The following ZNF704 variants were observed in gnomAD, a reference collection of about 807,000 sequenced individuals.
ZNF704 encodes glucocorticoid induced gene 1.
In ZNF704, 10 loss-of-function variants were observed where a neutral mutation model predicts 44.7. The ratio of observed to expected loss-of-function variants is 0.22; its 90% confidence interval spans 0.14 to 0.38. The LOEUF is 0.38. ZNF704 is among the 10% of genes least tolerant of loss of function. ZNF704 has a pLI of 1.00. For missense variants in ZNF704, 390 were observed against 545.5 expected (o/e 0.71, Z 2.84); for synonymous variants, 211 against 207.6 (o/e 1.02, Z -0.14).
chr8:80,747,333 T>C (rs1274056167), intron 2 of ZNF704, among the ~76,000 whole-genome samples: 1 of 152,140 alleles, frequency 6.6e-6, no homozygotes, highest in African/African-American at 2.4e-5. Context: ...TGAAAAGCCC[T>C]GTTTATGGGA....
chr8:80,750,234 G>A (rs1211012150), intron 2 of ZNF704, among the ~76,000 whole-genome samples: 3 of 151,932 alleles, frequency 2.0e-5, no homozygotes, highest in African/African-American at 7.3e-5. Context: ...GCAATTGGGG[G>A]CCAGCTATGA....
Position 80,636,910 on chromosome 8 carries a change from T to G in ZNF704, c.*4456A>C, listed in dbSNP as rs1817671544. On this transcript the variant is annotated 3_prime_UTR_variant, in exon 9 of 9. Coordinates refer to ENST00000327835, the MANE Select transcript of ZNF704 (RefSeq NM_001033723.3). ...AAGCAAAATGTACATCGTTCACGGC[T>G]TGCTTTCGCCTACGGAATTCTGCTG... 6.6e-6 allele frequency: 1 copy of G among 152,252 alleles called. No homozygotes were observed. Among genetic ancestry groups the G allele is most frequent in the South Asian group, 2.1e-4 (1 of 4,836 alleles). 9.4% of individuals were successfully genotyped at this position (152,252 alleles called of 1,614,324 possible).
At chr8:80,714,148 A>G (rs1238537479) in intron 2 of ZNF704, among the ~76,000 whole-genome samples, 1 of 152,216 alleles carries the variant, frequency 6.6e-6, no homozygotes, top group Non-Finnish European at 1.5e-5. Context: ...CAGTTGACTT[A>G]GCAGGAAGTC....
intron 2 of ZNF704, among the ~76,000 whole-genome samples, chr8:80,778,646 T>C (rs575736628): frequency 1.8e-4 from 27 of 152,154 alleles, no homozygotes; most frequent in African/African-American, 6.3e-4. Flanking sequence ...GAAAATGTGG[T>C]ACATACCCAT....
At chr8:80,783,891 CT>C (rs1807571036) in intron 2 of ZNF704, among the ~76,000 whole-genome samples, 1 of 152,174 alleles carries the variant, frequency 6.6e-6, no homozygotes, top group Admixed American at 6.5e-5. Context: ...TCATCCCTCC[CT>C]TCCTCCAACC....
chr8:80,683,276 T>C lies in ZNF704; in HGVS notation c.558+3950A>G, dbSNP rs901430891. Among the ~76,000 whole-genome samples the C allele has an allele frequency of 2.8e-4, 42 of 152,188 alleles. 1 individual carries two copies. The highest frequency in any genetic ancestry group is 1.5e-5 in the Non-Finnish European group (1 of 68,044). On this transcript the variant is annotated intron_variant, in intron 4 of 8. Coordinates refer to ENST00000327835, the MANE Select transcript of ZNF704 (RefSeq NM_001033723.3). Reference sequence around the variant, plus strand: ...GCTTGACAAAGTTGGCTGGCTGACCTCCAGAGCTAGGATAGAGAAGCCTTT... The same window carrying C: ...GCTTGACAAAGTTGGCTGGCTGACCCCCAGAGCTAGGATAGAGAAGCCTTT...
chr8:80,714,165 AGGCCAAGG>A (rs1434352225), intron 2 of ZNF704, among the ~76,000 whole-genome samples: 1 of 152,216 alleles, frequency 6.6e-6, no homozygotes. Flanking sequence ...AGTCCTACTG[AGGCCAAGG>A]GAAATGAAAT....
Position 80,636,945 on chromosome 8 carries a change from A to G in ZNF704, c.*4421T>C, listed in dbSNP as rs1466533911. The G allele has an allele frequency of 6.6e-6, 1 of 152,190 alleles. No homozygotes were observed. The highest frequency in any genetic ancestry group is 6.5e-5 in the Admixed American group (1 of 15,284). 9.4% of individuals were successfully genotyped at this position (152,190 alleles called of 1,614,324 possible). On this transcript the variant is annotated 3_prime_UTR_variant, in exon 9 of 9. Coordinates refer to ENST00000327835, the MANE Select transcript of ZNF704 (RefSeq NM_001033723.3). ...CTACGGAATTCTGCTGATAGCTAAT[A>G]AACAGTCATCCATTGGGTAATGATA...
At chr8:80,779,138 C>T (rs764918009) in intron 2 of ZNF704, among the ~76,000 whole-genome samples, 4 of 150,734 alleles carry the variant, frequency 2.7e-5, no homozygotes, top group Non-Finnish European at 5.9e-5. Context: ...TCTCTTTCTC[C>T]TTCTTTCCTC....
the ZNF704 span, among the ~76,000 whole-genome samples, chr8:80,883,175 G>A: frequency 6.7e-6 from 1 of 148,522 alleles, no homozygotes; most frequent in East Asian, 2.0e-4. Flanking sequence ...TTTAGCCTGG[G>A]AGACAGGTTT....
chr8:80,758,588 C>T (rs370894807), intron 2 of ZNF704, among the ~76,000 whole-genome samples: 94 of 152,220 alleles, frequency 6.2e-4, no homozygotes, highest in African/African-American at 2.2e-3. Flanking sequence ...GGACCATAAT[C>T]GCTAATAATA....
At chr8:80,693,160 C>A in intron 2 of ZNF704, 53 bp from the exon 3 acceptor site, 1 of 1,489,948 alleles carries the variant, frequency 6.7e-7, no homozygotes, top group South Asian at 1.1e-5. Flanking sequence ...CTGCTGTGGG[C>A]CACACAAGGT....
At chr8:80,693,845 G>C (rs1818681565) in intron 2 of ZNF704, among the ~76,000 whole-genome samples, 1 of 152,200 alleles carries the variant, frequency 6.6e-6, no homozygotes, top group African/African-American at 2.4e-5. Context: ...GAGGCTTTAA[G>C]CAGGCCTAGT....
intron 2 of ZNF704, among the ~76,000 whole-genome samples, chr8:80,736,947 A>T (rs1236199122): frequency 4.6e-5 from 7 of 151,020 alleles, no homozygotes; most frequent in African/African-American, 7.3e-5. Flanking sequence ...TTTTTTTTTT[A>T]AAAAGCTCAT....
At chr8:80,664,049 G>C (rs1488527692) in intron 6 of ZNF704, among the ~76,000 whole-genome samples, 3 of 150,668 alleles carry the variant, frequency 2.0e-5, no homozygotes, top group Non-Finnish European at 4.4e-5. Flanking sequence ...TTTTTAAACA[G>C]ATACTTATGT....
chr8:80,843,783 C>T (rs1239361520), intron 1 of ZNF704, among the ~76,000 whole-genome samples: 1 of 152,114 alleles, frequency 6.6e-6, no homozygotes, highest in African/African-American at 2.4e-5. Flanking sequence ...CCAGCCCACA[C>T]ATACACCAGT....
chr8:80,693,216 C>T (rs1818669466), intron 2 of ZNF704, 109 bp from the exon 3 acceptor site: 1 of 872,002 alleles, frequency 1.1e-6, no homozygotes, highest in East Asian at 2.6e-5. Context: ...TCCCCATGAA[C>T]AACCGATGTT....
rs909080378 is a variant in ZNF704 at position 80,702,665 on chromosome 8, G to A, written c.222-9558C>T. ...CTTGATGGGGTCAAAATCAGGTGCC[G>A]AGGACACAAAAGCGAAGGCGAGATG... On this transcript the variant is annotated intron_variant, in intron 2 of 8. Coordinates refer to ENST00000327835, the MANE Select transcript of ZNF704 (RefSeq NM_001033723.3). Among the ~76,000 whole-genome samples, 13 of 152,242 alleles carry A rather than the reference G, an allele frequency of 8.5e-5. No individual in the cohort carries two copies. The South Asian group carries it at 1.5e-3, about 17-fold the overall frequency.
intron 1 of ZNF704, among the ~76,000 whole-genome samples, chr8:80,828,765 C>T (rs73262591): frequency 0.21 from 32,240 of 152,064 alleles, 4,736 homozygotes; most frequent in African/African-American, 0.42. Context: ...AAGGTATTAA[C>T]GACTAGAAAT....
Sources: gnomAD v4.1 joint callset for allele counts (sites outside exome capture counted in the v4.1 genomes callset) on GRCh38, gnomAD v4.1.1 for gene constraint, MANE v1.5 for transcripts, NCBI Gene and HGNC (gene_info 2026-07-23, HGNC 2026-07-21) for gene names.